The following ZNF695 variants were observed in gnomAD, a reference collection of about 807,000 sequenced individuals.
The protein encoded by ZNF695 is zinc finger protein 695.
A neutral mutation model predicts 11.2 loss-of-function variants in ZNF695; 11 were observed. That is an observed-to-expected ratio of 0.98 (90% CI 0.62 to 1.62). The LOEUF (loss-of-function observed/expected upper bound fraction) is 1.62. Among genes scored for constraint, ZNF695 ranks in the 40% most tolerant of loss-of-function variants. The pLI, the probability that ZNF695 is intolerant of heterozygous loss-of-function variation, is 0.00. For synonymous variants in ZNF695, 190 were observed against 201.4 expected, an observed-to-expected ratio of 0.94 and a Z score of 0.48; for missense variants, 559 against 590.5, an observed-to-expected ratio of 0.95 and a Z score of 0.55.
chr1:246,988,470 G>A (rs562281835), intron 3 of ZNF695, among the ~76,000 whole-genome samples: 17 of 152,128 alleles, frequency 1.1e-4, no homozygotes, highest in East Asian at 3.9e-4. Flanking sequence ...AAGAAATGAC[G>A]TACAATGAAG....
chr1:246,987,620 C>G lies in ZNF695; in HGVS notation c.895G>C (p.Glu299Gln). ...AACTTAAAGGATTTGCCACATTCTT[C>G]ACATTTGTATGGTTTCTCTCCAGTA... ...IHTGEKPYKC[E>Q]ECGKSFKLFP... is the part of the protein sequence containing the mutation. The change falls in exon 4 of 4, where the codon GAA becomes CAA. Residue 299 changes from glutamate (E) to glutamine (Q), a missense_variant. Coordinates refer to ENST00000339986, the MANE Select transcript of ZNF695 (RefSeq NM_020394.5). 6.2e-7 allele frequency: 1 copy of G among 1,602,860 alleles called. No homozygotes were observed. Among genetic ancestry groups the G allele is most frequent in the Non-Finnish European group, 8.5e-7 (1 of 1,175,926 alleles).
Position 246,999,443 on chromosome 1 carries a change from G to C in ZNF695, c.167-3C>G. 2.5e-6 allele frequency: 4 copies of C among 1,610,640 alleles called. No individual in the cohort carries two copies. Among genetic ancestry groups the C allele is most frequent in the East Asian group, 2.2e-5 (1 of 44,828 alleles). On this transcript the variant is annotated splice_region_variant and splice_polypyrimidine_tract_variant and intron_variant, in intron 2 of 3. Transcript: ENST00000339986. ...TTCTGGCTTAGACATAGCAAGACCT[G>C]TTTTATTAGAAAAAAGGTGCATGAT...
intron 5 of ZNF695, among the ~76,000 whole-genome samples, chr1:246,960,434 T>C (rs902307243): frequency 1.3e-5 from 2 of 152,212 alleles, no homozygotes; most frequent in Non-Finnish European, 2.9e-5. Flanking sequence ...TTGTCATATA[T>C]GTAAAAGTAA....
chr1:246,972,928 T>C (rs1668463670), intron 4 of ZNF695, among the ~76,000 whole-genome samples: 1 of 93,266 alleles, frequency 1.1e-5, no homozygotes, highest in African/African-American at 5.9e-5. Flanking sequence ...ATATTTTTAA[T>C]GTGTATATAT....
Position 246,998,977 on chromosome 1 carries a change from A to AAT in ZNF695, c.259+369_259+370dup, listed in dbSNP as rs6143721. On this transcript the variant is annotated intron_variant, in intron 3 of 3. Coordinates refer to ENST00000339986, the MANE Select transcript of ZNF695 (RefSeq NM_020394.5). ...AACGAGACTCTGTCTCAAGAAAACA[A>AAT]ATATATATATATATATATATATATA... 7.0e-3 allele frequency among the ~76,000 whole-genome samples: 1,004 copies of AAT among 143,898 alleles called. 8 individuals are homozygous for AAT. The highest frequency in any genetic ancestry group is 0.03 in the South Asian group (122 of 4,114). The allele number at this position is 143,898 out of a possible 152,430, so 94.4% of individuals were successfully genotyped here. A position where few individuals can be genotyped will look rare whatever the true frequency, so the allele number is the denominator to read the frequency against.
At chr1:246,981,220 C>A (rs1201469049), downstream of ZNF695, among the ~76,000 whole-genome samples, 1 of 152,134 alleles carries the variant, frequency 6.6e-6, no homozygotes, top group African/African-American at 2.4e-5. Flanking sequence ...ATCAAAAAGA[C>A]AGAGGATAAG....
intron 4 of ZNF695, among the ~76,000 whole-genome samples, chr1:246,978,022 A>T (rs1020405903): frequency 6.6e-6 from 1 of 152,202 alleles, no homozygotes; most frequent in African/African-American, 2.4e-5. Context: ...GAGAAGGCCA[A>T]CCTGTTCAGG....
Position 246,999,378 on chromosome 1 carries a change from C to T in ZNF695, c.229G>A (p.Val77Met), listed in dbSNP as rs780991847. 14 of 1,613,894 alleles carry T rather than the reference C, an allele frequency of 8.7e-6. No individual in the cohort carries two copies. In the East Asian group the frequency reaches 1.8e-4, roughly 21 times the overall value. The change falls in exon 3 of 4, where the codon GTG becomes ATG. Residue 77 changes from valine to methionine, a missense_variant. Transcript: ENST00000339986. ...TGTCTGGCTGTCTTCTCTGTGTTCA[C>T]GTTCCAGGGCTCTTTCCTTGCCTCC... Reference protein sequence around the residue: ...CLEARKEPWNVNTEKTARHSV... With the variant: ...CLEARKEPWNMNTEKTARHSV...
At chr1:246,970,613 G>A (rs1668400431) in intron 4 of ZNF695, among the ~76,000 whole-genome samples, 1 of 152,238 alleles carries the variant, frequency 6.6e-6, no homozygotes. Context: ...ACAATTAATT[G>A]ACGGGAATCT....
At chr1:246,994,818 CAG>C in intron 3 of ZNF695, among the ~76,000 whole-genome samples, 1 of 148,242 alleles carries the variant, frequency 6.7e-6, no homozygotes, top group Non-Finnish European at 1.5e-5. Context: ...GCCTGGGCGA[CAG>C]AGCAAGACTC....
intron 5 of ZNF695, among the ~76,000 whole-genome samples, chr1:246,949,212 T>C (rs1667811671): frequency 6.6e-6 from 1 of 152,168 alleles, no homozygotes. Flanking sequence ...TTAAAATTAA[T>C]TCTGTGAGAG....
rs377630635 is a variant in ZNF695, at chr1:246,987,062, T to C, written c.1453A>G (p.Ile485Val). Residue 485 changes from isoleucine (I) to valine (V), a missense_variant, in exon 4 of 4, where the codon ATT (isoleucine) becomes GTT (valine). Coordinates refer to ENST00000339986, the MANE Select transcript of ZNF695 (RefSeq NM_020394.5). The stretch of plus-strand genomic sequence containing the variant: ...TTGTATGGTTTCTCTCTGGTATGAA[T>C]TGTCTTATGTTTAGAAAGGTGTGAG... Reference protein sequence around the residue: ...QSSHLSKHKTIHTREKPYKCE... With the variant: ...QSSHLSKHKTVHTREKPYKCE... 3.2e-5 allele frequency: 51 copies of C among 1,614,084 alleles called. 1 individual carries two copies. In the African/African-American group the frequency reaches 5.5e-4, roughly 17 times the overall value.
At chr1:246,947,196 T>G (rs3122534) in intron 5 of ZNF695, among the ~76,000 whole-genome samples, 41,421 of 124,474 alleles carry the variant, frequency 0.33, 7,099 homozygotes, top group African/African-American at 0.4. Context: ...TTATTTTTTT[T>G]GGGGGGGTGG....
intron 5 of ZNF695, among the ~76,000 whole-genome samples, chr1:246,958,697 A>G (rs1668070726): frequency 6.6e-6 from 1 of 152,160 alleles, no homozygotes; most frequent in East Asian, 1.9e-4. Context: ...CCAGCCATCC[A>G]TTCTACGCCT....
At chr1:246,995,630 G>C (rs1209542866) in intron 3 of ZNF695, among the ~76,000 whole-genome samples, 2 of 151,902 alleles carry the variant, frequency 1.3e-5, no homozygotes, top group Non-Finnish European at 2.9e-5. Flanking sequence ...ATGAGTTAAA[G>C]ACGAGCTTGG....
rs144000600 is a variant in ZNF695 at position 246,969,971 on chromosome 1, GA to G, written c.391-2180del. Reference sequence around the variant, plus strand: ...AACATTGGGGATTACAATTCAACATGAGATGTGGGTGGGAACGCAGAGCCAA... The same window carrying G: ...AACATTGGGGATTACAATTCAACATGGATGTGGGTGGGAACGCAGAGCCAA... On this transcript the variant is annotated intron_variant, in intron 4 of 5. Transcript: ENST00000487338. Among the ~76,000 whole-genome samples the G allele has an allele frequency of 2.9e-3, 439 of 152,282 alleles. 4 individuals are homozygous for G. Among genetic ancestry groups the G allele is most frequent in the African/African-American group, 9.8e-3 (407 of 41,564 alleles).
chr1:246,999,351 A>G lies in ZNF695; in HGVS notation c.256T>C (p.Ser86Pro), dbSNP rs189189243. The change falls in exon 3 of 4, where the codon TCA becomes CCA. Residue 86 changes from serine to proline, a missense_variant. Ser to Pro is a moderately conservative substitution (Grantham distance 74, BLOSUM62 -1). Coordinates refer to ENST00000339986, the MANE Select transcript of ZNF695 (RefSeq NM_020394.5). ...CGCTTCATTCACTCCCACCTACCTG[A>G]GTGTCTGGCTGTCTTCTCTGTGTTC... is the stretch of plus-strand genomic sequence containing the variant. Reference protein sequence around the residue: ...NVNTEKTARHSVLSSYLTEDI... With the variant: ...NVNTEKTARHPVLSSYLTEDI... The G allele has an allele frequency of 3.7e-4, 598 of 1,612,020 alleles. 7 individuals are homozygous for G. The African/African-American group carries it at 5.5e-3, about 15-fold the overall frequency.
intron 4 of ZNF695, among the ~76,000 whole-genome samples, chr1:246,977,909 T>C (rs769497257): frequency 6.6e-6 from 1 of 152,178 alleles, no homozygotes; most frequent in Non-Finnish European, 1.5e-5. Context: ...AGTCGGCTGA[T>C]CCACCTCCAG....
intron 5 of ZNF695, among the ~76,000 whole-genome samples, chr1:246,947,999 A>G (rs1322997251): frequency 1.3e-5 from 2 of 152,178 alleles, no homozygotes; most frequent in African/African-American, 4.8e-5. Context: ...GGTATTGGGA[A>G]AGAGCACAGT....
Sources: gnomAD v4.1 joint callset for allele counts (sites outside exome capture counted in the v4.1 genomes callset) on GRCh38, gnomAD v4.1.1 for gene constraint, MANE v1.5 for transcripts, NCBI Gene and HGNC (gene_info 2026-07-23, HGNC 2026-07-21) for gene names.